The following CACNA1A variants were observed in gnomAD, a reference collection of about 807,000 sequenced individuals.
CACNA1A encodes the protein calcium voltage-gated channel subunit alpha1 A, also known as voltage-dependent P/Q-type calcium channel subunit alpha-1A.
In CACNA1A, 57 loss-of-function variants were observed where a neutral mutation model predicts 262.4. That is an observed-to-expected ratio of 0.22 (90% CI 0.18 to 0.27). The LOEUF (loss-of-function observed/expected upper bound fraction) is 0.27, where lower values mean the gene tolerates loss of function less well. Among genes scored for constraint, CACNA1A ranks in the 10% least tolerant of loss-of-function variants. CACNA1A has a pLI of 1.00. For synonymous variants in CACNA1A, 1,431 were observed against 1,419.3 expected, an observed-to-expected ratio of 1.01 and a Z score of -0.18; for missense variants, 2,526 against 3,562.8, an observed-to-expected ratio of 0.71 and a Z score of 7.41.
At chr19:13,402,871 C>CATATATAT (rs1483072251) in intron 3 of CACNA1A, among the ~76,000 whole-genome samples, 3 of 64,212 alleles carry the variant, frequency 4.7e-5, no homozygotes, top group African/African-American at 8.9e-5. Flanking sequence ...CACACACACA[C>CATATATAT]ACATATATAT....
At chr19:13,423,113 T>C (rs1281307576) in intron 3 of CACNA1A, among the ~76,000 whole-genome samples, 1 of 152,222 alleles carries the variant, frequency 6.6e-6, no homozygotes, top group Non-Finnish European at 1.5e-5. Flanking sequence ...ATTCTTGTTC[T>C]AGTTGCATCT....
intron 1 of CACNA1A, among the ~76,000 whole-genome samples, chr19:13,504,578 T>C (rs1982787566): frequency 6.6e-6 from 1 of 151,916 alleles, no homozygotes; most frequent in Admixed American, 6.6e-5. Context: ...CCAGCCCCGT[T>C]TAGTCTATAA....
At chr19:13,285,046 C>T in intron 21 of CACNA1A, 22 bp downstream of exon 21, 1 of 1,613,724 alleles carries the variant, frequency 6.2e-7, no homozygotes, top group Non-Finnish European at 8.5e-7. Context: ...CCCCCCCTGC[C>T]CTTGCTGGGG....
At chr19:13,257,036 T>C (rs2144746682) in intron 28 of CACNA1A, 1 of 196,688 alleles carries the variant, frequency 5.1e-6, no homozygotes, top group Middle Eastern at 2.1e-3. Context: ...AGAATAAAGA[T>C]GGCAAGATCC....
chr19:13,432,316 G>A (rs1292644894), intron 3 of CACNA1A, among the ~76,000 whole-genome samples: 1 of 151,664 alleles, frequency 6.6e-6, no homozygotes, highest in Non-Finnish European at 1.5e-5. Context: ...TCGGGAGGCT[G>A]AGGCTGGAGA....
At chr19:13,283,493 C>A in intron 21 of CACNA1A, 97 bp from the exon 22 acceptor site, 1 of 1,479,248 alleles carries the variant, frequency 6.8e-7, no homozygotes, top group Non-Finnish European at 9.2e-7. Flanking sequence ...CTACTGAGAT[C>A]TCCAACCCCC....
intron 10 of CACNA1A, among the ~76,000 whole-genome samples, chr19:13,322,095 G>A (rs1021917406): frequency 2.6e-5 from 4 of 151,880 alleles, no homozygotes; most frequent in South Asian, 2.1e-4. Flanking sequence ...CCAGCTACTC[G>A]GGAGGCTGAG....
intron 19 of CACNA1A, among the ~76,000 whole-genome samples, chr19:13,295,612 C>T (rs2057649741): frequency 6.6e-6 from 1 of 151,996 alleles, no homozygotes; most frequent in Non-Finnish European, 1.5e-5. Context: ...CTGCTTCAGC[C>T]TTCCAAGTAG....
rs1197940124 is a variant in CACNA1A, at chr19:13,254,320, T to C, written c.4755+775A>G. 9.2e-5 allele frequency among the ~76,000 whole-genome samples: 14 copies of C among 152,142 alleles called. No homozygotes were observed. The South Asian group carries it at 2.7e-3, about 29-fold the overall frequency. ...AAGCCGCTCCTTAGCCCTGGGGATT[T>C]TAGGGTCCTCACCTACCCCTTCTCC... On this transcript the variant is annotated intron_variant, in intron 29 of 46. Coordinates refer to ENST00000360228, the MANE Select transcript of CACNA1A (RefSeq NM_001127222.2).
At chr19:13,341,085 C>G (rs191383448) in intron 6 of CACNA1A, among the ~76,000 whole-genome samples, 526 of 152,212 alleles carry the variant, frequency 3.5e-3, no homozygotes, top group African/African-American at 0.011. Context: ...AATAAAGAAA[C>G]AAACAAACAA....
chr19:13,262,459 C>G, intron 25 of CACNA1A: 1 of 372,556 alleles, frequency 2.7e-6, no homozygotes, highest in South Asian at 4.2e-5. Context: ...CTTTTAAATC[C>G]ATATGATGCC....
In CACNA1A at chr19:13,212,174, T is replaced by C. The variant is rs374905727; in HGVS notation, c.6232A>G (p.Ser2078Gly). Reference protein sequence around the residue: ...REMGRDGYSDSEHYLPMEGQG... With the variant: ...REMGRDGYSDGEHYLPMEGQG... ...CCTTCCATGGGGAGGTAGTGCTCGC[T>C]GTCGGAGTAGCCATCTCTGCCCATC... Residue 2078 changes from serine to glycine, a missense_variant, in exon 43 of 47, where the codon AGC becomes GGC. Ser to Gly is a moderately conservative substitution (Grantham distance 56). This residue lies in a region of CACNA1A where 929 missense variants were observed against 868.1 expected (regional missense o/e 1.07). Coordinates refer to ENST00000360228, the MANE Select transcript of CACNA1A (RefSeq NM_001127222.2). This position sits in a 1 kb window ranked among gnomAD's most constrained non-coding sequence, Gnocchi z 5.6. 1.1e-5 allele frequency: 17 copies of C among 1,613,794 alleles called. No homozygotes were observed. Among genetic ancestry groups the C allele is most frequent in the Middle Eastern group, 1.6e-4 (1 of 6,082 alleles).
At chr19:13,336,588 A>AGG (rs1555768072) in intron 6 of CACNA1A, among the ~76,000 whole-genome samples, 3 of 83,424 alleles carry the variant, frequency 3.6e-5, no homozygotes, top group Non-Finnish European at 5.2e-5. Context: ...AGACAGAGAG[A>AGG]GAGAGGGAGA....
At chr19:13,216,786 A>G (rs1195590969) in intron 38 of CACNA1A, among the ~76,000 whole-genome samples, 1 of 152,080 alleles carries the variant, frequency 6.6e-6, no homozygotes, top group Admixed American at 6.6e-5. Flanking sequence ...TCCTGGGCTC[A>G]AGCAATCCAC....
At chr19:13,313,422 C>A (rs528036268) in intron 11 of CACNA1A, among the ~76,000 whole-genome samples, 3 of 131,354 alleles carry the variant, frequency 2.3e-5, no homozygotes, top group Non-Finnish European at 4.7e-5. Context: ...ATCACTTAAA[C>A]CTGGGAGGTG....
intron 34 of CACNA1A, 66 bp from the exon 35 acceptor site, chr19:13,231,926 G>A (rs2055678702): frequency 2.6e-6 from 4 of 1,531,786 alleles, no homozygotes; most frequent in South Asian, 2.4e-5. Flanking sequence ...GCCTCCCCAG[G>A]AGGTGGAGCA....
intron 29 of CACNA1A, among the ~76,000 whole-genome samples, chr19:13,254,245 G>A (rs934103978): frequency 2.0e-5 from 3 of 152,078 alleles, no homozygotes; most frequent in African/African-American, 7.2e-5. Context: ...TTGAATCCAC[G>A]CTTTGGAGTC....
At chr19:13,213,860 T>G (rs532900511) in intron 40 of CACNA1A, 2 of 168,724 alleles carry the variant, frequency 1.2e-5, no homozygotes, top group Admixed American at 5.9e-5. Context: ...ATTTTATTTT[T>G]TTTTTGTAGA....
intron 3 of CACNA1A, among the ~76,000 whole-genome samples, chr19:13,446,659 G>A (rs376828145): frequency 6.3e-5 from 9 of 142,236 alleles, no homozygotes; most frequent in African/African-American, 1.9e-4. Context: ...GTTTCACCAC[G>A]TTGGCCAGGC....
Sources: gnomAD v4.1 joint callset for allele counts (sites outside exome capture counted in the v4.1 genomes callset) on GRCh38, gnomAD v4.1.1 for gene constraint, gnomAD v4.1.1 regional missense constraint, Gnocchi (gnomAD v3.1) non-coding constraint, MANE v1.5 for transcripts, NCBI Gene and HGNC (gene_info 2026-07-23, HGNC 2026-07-21) for gene names.